Variants in GPR143 observed in about 807,000 individuals in gnomAD.
GPR143 encodes the protein G-protein coupled receptor 143.
GPR143 carries 8 observed loss-of-function variants against 27.6 expected under a neutral mutation model. That is an observed-to-expected ratio of 0.29 (90% CI 0.17 to 0.52). The LOEUF (loss-of-function observed/expected upper bound fraction) is 0.52. GPR143 is among the 20% of genes least tolerant of loss of function. The pLI is 0.96. For synonymous variants in GPR143, 156 were observed against 153.2 expected, an observed-to-expected ratio of 1.02 and a Z score of -0.13; for missense variants, 303 against 343.1, an observed-to-expected ratio of 0.88 and a Z score of 0.92.
chrX:9,748,734 C>A, intron 3 of GPR143, 68 bp from the exon 4 acceptor site: 1 of 728,057 alleles, frequency 1.4e-6, no homozygotes, highest in Non-Finnish European at 2.2e-6. Context: ...ACTGCCAGGC[C>A]AGCTCCTGCG....
chrX:9,750,329 C>T (rs1408816302), intron 3 of GPR143, among the ~76,000 whole-genome samples: 1 of 111,745 alleles, frequency 8.9e-6, no homozygotes, highest in Admixed American at 9.5e-5. Context: ...CCCACCTAAG[C>T]CTCCCAAGTA....
intron 3 of GPR143, among the ~76,000 whole-genome samples, chrX:9,753,756 A>G (rs1228913069): frequency 1.8e-5 from 2 of 111,591 alleles, no homozygotes; most frequent in Non-Finnish European, 3.8e-5. Flanking sequence ...AAGCCCTTCC[A>G]GAGTCACCTC....
chrX:9,745,242 C>T (rs975375340), intron 5 of GPR143, among the ~76,000 whole-genome samples: 10 of 112,914 alleles, frequency 8.9e-5, no homozygotes, highest in Middle Eastern at 4.6e-3. Context: ...GGTGACAGAG[C>T]GAGACTCCGT....
chrX:9,775,789 G>C (rs2083569210), intron 1 of GPR143, among the ~76,000 whole-genome samples: 1 of 112,316 alleles, frequency 8.9e-6, no homozygotes, highest in Admixed American at 9.5e-5. Context: ...GGCCGAATTT[G>C]ATGCTAAGTG....
chrX:9,727,516 C>T lies in GPR143; in HGVS notation c.1121-1676G>A, dbSNP rs140924597. Among the ~76,000 whole-genome samples the T allele has an allele frequency of 9.6e-3, 1,091 of 113,258 alleles. 4 individuals are homozygous for T. Among genetic ancestry groups the T allele is most frequent in the African/African-American group, 0.026 (799 of 31,295 alleles). The stretch of plus-strand genomic sequence containing the variant: ...GTAGCATGGCCGAGCGAGGCCTGGG[C>T]GGGGCATCACCAGCCAGAGGTCCCC... On this transcript the variant is annotated intron_variant, in intron 8 of 8. Transcript: ENST00000467482.
chrX:9,751,830 C>T (rs191647274), intron 3 of GPR143, among the ~76,000 whole-genome samples: 2 of 112,988 alleles, frequency 1.8e-5, no homozygotes, highest in East Asian at 5.6e-4. Context: ...ATGTCTCACT[C>T]AGTGTACATT....
At chrX:9,750,749 G>A (rs1265547288) in intron 3 of GPR143, among the ~76,000 whole-genome samples, 1 of 111,558 alleles carries the variant, frequency 9.0e-6, no homozygotes, top group Non-Finnish European at 1.9e-5. Context: ...TTTTAGTAGA[G>A]GCAGCATTTC....
Position 9,739,484 on chromosome X carries a change from C to T in GPR143, c.1120+1G>A. 1 of 1,183,363 alleles carries T rather than the reference C, an allele frequency of 8.5e-7. No individual in the cohort carries two copies. Among genetic ancestry groups the T allele is most frequent in the Non-Finnish European group, 1.1e-6 (1 of 870,678 alleles). ...ACCTGCTGTGGCAGACAGGGCATTA[C>T]CTTCAGACAGCATGCTCAGGGCTTC... On this transcript the variant is annotated splice_donor_variant, in intron 8 of 8. Coordinates refer to ENST00000467482, the MANE Select transcript of GPR143 (RefSeq NM_000273.3). LOFTEE classifies it high-confidence loss of function.
chrX:9,774,620 C>G (rs766657768), intron 1 of GPR143, among the ~76,000 whole-genome samples: 1 of 79,623 alleles, frequency 1.3e-5, no homozygotes, highest in South Asian at 6.1e-4. Flanking sequence ...CTTTAATGGA[C>G]GGAAGGAGGA....
intron 1 of GPR143, among the ~76,000 whole-genome samples, chrX:9,762,078 C>A (rs1187271702): frequency 9.3e-6 from 1 of 107,578 alleles, no homozygotes; most frequent in Non-Finnish European, 1.9e-5. Context: ...CAGAGTGAGA[C>A]CCTGTGTCAA....
intron 3 of GPR143, among the ~76,000 whole-genome samples, chrX:9,749,035 A>C (rs975275066): frequency 5.4e-5 from 6 of 112,047 alleles, no homozygotes; most frequent in African/African-American, 1.9e-4. Flanking sequence ...TTGAATTGTA[A>C]TCTCCAAAAT....
At chrX:9,754,890 A>G (rs1225413863) in intron 3 of GPR143, among the ~76,000 whole-genome samples, 1 of 111,644 alleles carries the variant, frequency 9.0e-6, no homozygotes, top group Non-Finnish European at 1.9e-5. Context: ...CATAACTGGC[A>G]TCTATAAGAC....
intron 3 of GPR143, among the ~76,000 whole-genome samples, chrX:9,757,352 A>G (rs2083477691): frequency 8.9e-6 from 1 of 112,128 alleles, no homozygotes; most frequent in Admixed American, 9.5e-5. Flanking sequence ...GCCTCCTAAT[A>G]CCATCACCTT....
At chrX:9,741,026 A>G in intron 7 of GPR143, 1 of 293,077 alleles carries the variant, frequency 3.4e-6, no homozygotes, top group South Asian at 2.0e-4. Flanking sequence ...CTCATCCTGT[A>G]TTTAAATATA....
rs368303218 is a variant in GPR143, at chrX:9,760,806, C to T, written c.271G>A (p.Val91Met). 1.7e-5 allele frequency: 19 copies of T among 1,138,417 alleles called. No homozygotes were observed. Among genetic ancestry groups the T allele is most frequent in the Middle Eastern group, 2.4e-4 (1 of 4,181 alleles). 93.8% of individuals were successfully genotyped at this position (1,138,417 alleles called of 1,213,427 possible). A position where few individuals can be genotyped will look rare whatever the true frequency, so the allele number is the denominator to read the frequency against. The stretch of plus-strand genomic sequence containing the variant: ...ACAAAATTTGGGAATCCTAACCACA[C>T]GGTGGACCGGATCACCATACCTAAG... ...GCLGMVIRST[V>M]WLGFPNFVDS... The change falls in exon 2 of 9, where the codon GTG becomes ATG. Residue 91 changes from valine to methionine, a missense_variant. By Grantham distance (21) the Val-to-Met change is conservative. Transcript: ENST00000467482.
chrX:9,751,472 T>A (rs1001187981), intron 3 of GPR143, among the ~76,000 whole-genome samples: 1 of 112,390 alleles, frequency 8.9e-6, no homozygotes, highest in Non-Finnish European at 1.9e-5. Context: ...ACCCTTAACC[T>A]ACAAGATGGC....
At chrX:9,733,353 C>T (rs1229007713) in intron 8 of GPR143, among the ~76,000 whole-genome samples, 1 of 109,749 alleles carries the variant, frequency 9.1e-6, no homozygotes, top group Admixed American at 9.7e-5. Flanking sequence ...GTGGGAGATT[C>T]CAGGTATTAT....
chrX:9,743,218 CAAA>C (rs35238066), intron 6 of GPR143, among the ~76,000 whole-genome samples: 82 of 37,254 alleles, frequency 2.2e-3, no homozygotes, highest in South Asian at 7.5e-3. Flanking sequence ...GACCCTGTCT[CAAA>C]AAAAAAAAAA....
intron 2 of GPR143, among the ~76,000 whole-genome samples, chrX:9,760,369 G>A (rs747836887): frequency 8.9e-6 from 1 of 112,440 alleles, no homozygotes; most frequent in East Asian, 2.8e-4. Context: ...TGGGATTACA[G>A]GTGTGGGCTG....
Sources: gnomAD v4.1 joint callset for allele counts (sites outside exome capture counted in the v4.1 genomes callset) on GRCh38, gnomAD v4.1.1 for gene constraint, MANE v1.5 for transcripts, NCBI Gene and HGNC (gene_info 2026-07-23, HGNC 2026-07-21) for gene names.